Variants in TBC1D20 observed in about 807,000 individuals in gnomAD.
TBC1D20 encodes the protein TBC1 domain family member 20, also known as chromosome 20 open reading frame 140.
A neutral mutation model predicts 41.6 loss-of-function variants in TBC1D20; 12 were observed. That is an observed-to-expected ratio of 0.29 (90% CI 0.18 to 0.47). The LOEUF (loss-of-function observed/expected upper bound fraction) is 0.47. TBC1D20 is among the 20% of genes least tolerant of loss of function. The probability of loss-of-function intolerance (pLI) is 1.00; values close to 1 mark genes in which losing one functional copy is unlikely to be tolerated. For synonymous variants in TBC1D20, 205 were observed against 204.8 expected (o/e 1.00, Z -0.01); for missense variants, 421 against 517.4 (o/e 0.81, Z 1.81).
At chr20:448,728 G>A (rs563318148) in intron 1 of TBC1D20, among the ~76,000 whole-genome samples, 1 of 150,088 alleles carries the variant, frequency 6.7e-6, no homozygotes, top group South Asian at 2.1e-4. Flanking sequence ...TCTCTAAGTT[G>A]CCCAGGCTGG....
chr20:447,894 A>G lies in TBC1D20; in HGVS notation c.251T>C (p.Ile84Thr). The G allele has an allele frequency of 6.2e-7, 1 of 1,611,134 alleles. No individual in the cohort carries two copies. Among genetic ancestry groups the G allele is most frequent in the Middle Eastern group, 1.7e-4 (1 of 5,828 alleles). Residue 84 changes from isoleucine to threonine, a missense_variant, in exon 2 of 8, where the codon ATA (isoleucine) becomes ACA (threonine). Ile to Thr is a moderately conservative substitution (Grantham distance 89). Coordinates refer to ENST00000354200, the MANE Select transcript of TBC1D20 (RefSeq NM_144628.4). ...GCCTCCCCCACTCCCCTTACCTGAT[A>G]TAGGAGGTGGGTCATTGGCATTGAC... ...LNVNANDPPP[I>T]SGKNLRQMSK...
At chr20:441,275 T>C in intron 5 of TBC1D20, 1 of 263,896 alleles carries the variant, frequency 3.8e-6, no homozygotes, top group Non-Finnish European at 7.2e-6. Context: ...TTCTCGCCAC[T>C]GGATCCCACA....
chr20:452,916 G>A (rs2017470067), intron 1 of TBC1D20, among the ~76,000 whole-genome samples: 1 of 152,100 alleles, frequency 6.6e-6, no homozygotes, highest in Non-Finnish European at 1.5e-5. Context: ...TTGGGAGGCC[G>A]AGGCGGGCAG....
chr20:441,253 T>C (rs1225415853), intron 5 of TBC1D20: 3 of 229,932 alleles, frequency 1.3e-5, no homozygotes, highest in East Asian at 1.8e-4. Context: ...CAACCCATTG[T>C]TGGCCTTCCC....
Position 453,539 on chromosome 20 carries a change from C to CTTTT in TBC1D20, c.71-5466_71-5465insAAAA, listed in dbSNP as rs1198052752. The stretch of plus-strand genomic sequence containing the variant: ...ACGGTGGCTCGTGCCTGTAATCCAG[C>CTTTT]ATTTTTTTTTTTTTTTTTTTTTTTG... On this transcript the variant is annotated intron_variant, in intron 1 of 7. Coordinates refer to ENST00000354200, the MANE Select transcript of TBC1D20 (RefSeq NM_144628.4). Among the ~76,000 whole-genome samples the CTTTT allele has an allele frequency of 2.8e-3, 302 of 109,676 alleles. 25 individuals carry two copies. Among genetic ancestry groups the CTTTT allele is most frequent in the African/African-American group, 4.1e-3 (106 of 25,758 alleles). 72.0% of individuals were successfully genotyped at this position (109,676 alleles called of 152,430 possible).
chr20:450,315 A>ATT, intron 1 of TBC1D20, among the ~76,000 whole-genome samples: 1 of 143,048 alleles, frequency 7.0e-6, no homozygotes, highest in East Asian at 2.0e-4. Flanking sequence ...CGCTTTGCTA[A>ATT]TTTTTTTTTT....
intron 1 of TBC1D20, among the ~76,000 whole-genome samples, chr20:453,942 T>TA (rs1222540743): frequency 6.9e-6 from 1 of 145,148 alleles, no homozygotes; most frequent in Non-Finnish European, 1.5e-5. Flanking sequence ...CCATCTCTAT[T>TA]AAAAATACAA....
chr20:449,312 T>C (rs1394808024), intron 1 of TBC1D20, among the ~76,000 whole-genome samples: 1 of 98,208 alleles, frequency 1.0e-5, no homozygotes, highest in Non-Finnish European at 2.0e-5. Flanking sequence ...AAAAGGTAAG[T>C]GAGGCTGGGC....
intron 3 of TBC1D20, among the ~76,000 whole-genome samples, chr20:443,486 A>G (rs765929249): frequency 1.3e-5 from 2 of 152,212 alleles, no homozygotes; most frequent in Non-Finnish European, 2.9e-5. Flanking sequence ...AGAGAGAGAA[A>G]GCAGCTAATG....
At chr20:440,146 CT>C in intron 6 of TBC1D20, 101 bp downstream of exon 6, 1 of 1,460,366 alleles carries the variant, frequency 6.8e-7, no homozygotes, top group Non-Finnish European at 9.2e-7. Flanking sequence ...GAAGTGCTGT[CT>C]TTTGCATCTT....
intron 3 of TBC1D20, 32 bp from the exon 4 acceptor site, chr20:442,075 T>C: frequency 1.9e-6 from 3 of 1,550,522 alleles, no homozygotes; most frequent in Non-Finnish European, 1.8e-6. Flanking sequence ...CCTTTGAACA[T>C]ACCAAGCAGC....
chr20:446,561 G>A (rs948298789), intron 2 of TBC1D20, among the ~76,000 whole-genome samples: 11 of 152,026 alleles, frequency 7.2e-5, no homozygotes, highest in South Asian at 2.1e-4. Context: ...GGCTGGTCTC[G>A]AACTCCTGAC....
intron 1 of TBC1D20, among the ~76,000 whole-genome samples, chr20:457,365 C>G (rs2017560555): frequency 6.6e-6 from 1 of 152,116 alleles, no homozygotes; most frequent in African/African-American, 2.4e-5. Flanking sequence ...CCACCTCAGC[C>G]TTCTATGCCA....
rs1451228218 is a variant in TBC1D20 at position 456,896 on chromosome 20, A to C, written c.70+5440T>G. 4.6e-5 allele frequency among the ~76,000 whole-genome samples: 7 copies of C among 151,024 alleles called. No individual in the cohort carries two copies. The Admixed American group carries it at 4.6e-4, about 10-fold the overall frequency. On this transcript the variant is annotated intron_variant, in intron 1 of 7. Coordinates refer to ENST00000354200, the MANE Select transcript of TBC1D20 (RefSeq NM_144628.4). ...TGACTACTTCTAAAGCAGTCAGGAA[A>C]GGCTTCACCAAGAATATATTCTGGA... is the stretch of plus-strand genomic sequence containing the variant.
chr20:440,191 G>T, intron 6 of TBC1D20, 57 bp downstream of exon 6: 2 of 1,582,200 alleles, frequency 1.3e-6, no homozygotes, highest in South Asian at 2.3e-5. Context: ...CAGGGAAAAT[G>T]ACCACAGTGG....
rs771300098 is a variant in TBC1D20, at chr20:439,243, G to A, written c.821C>T (p.Ser274Leu). Residue 274 changes from serine to leucine, a missense_variant, in exon 7 of 8, where the codon TCG (serine) becomes TTG (leucine). Coordinates refer to ENST00000354200, the MANE Select transcript of TBC1D20 (RefSeq NM_144628.4). This position sits in a 1 kb window ranked among gnomAD's most constrained non-coding sequence, Gnocchi z 4.6. ...GATCTGGGACAACAGGTGGTGGACCGAGGCCATGTCACAGTCACAGTCCAG... is the reference window on the plus strand; with the variant it reads ...GATCTGGGACAACAGGTGGTGGACCAAGGCCATGTCACAGTCACAGTCCAG... ...EVLDCDCDMA[S>L]VHHLLSQIPQ... The A allele has an allele frequency of 1.2e-5, 20 of 1,614,078 alleles. No individual in the cohort carries two copies. Among genetic ancestry groups the A allele is most frequent in the Non-Finnish European group, 1.6e-5 (19 of 1,179,944 alleles).
At chr20:445,863 T>C (rs2017321260) in intron 2 of TBC1D20, among the ~76,000 whole-genome samples, 1 of 152,204 alleles carries the variant, frequency 6.6e-6, no homozygotes, top group Non-Finnish European at 1.5e-5. Flanking sequence ...TATAAAAAGA[T>C]GAGGGAAGTT....
chr20:448,547 G>C (rs2017381318), intron 1 of TBC1D20, among the ~76,000 whole-genome samples: 1 of 151,814 alleles, frequency 6.6e-6, no homozygotes, highest in African/African-American at 2.4e-5. Flanking sequence ...AAATTAGCTG[G>C]GCATCGTGGT....
At chr20:454,500 T>C (rs1423504037) in intron 1 of TBC1D20, among the ~76,000 whole-genome samples, 1 of 151,914 alleles carries the variant, frequency 6.6e-6, no homozygotes, top group Non-Finnish European at 1.5e-5. Flanking sequence ...TCATTTGAAG[T>C]GGAAGATATC....
Sources: gnomAD v4.1 joint callset for allele counts (sites outside exome capture counted in the v4.1 genomes callset) on GRCh38, gnomAD v4.1.1 for gene constraint, Gnocchi (gnomAD v3.1) non-coding constraint, MANE v1.5 for transcripts, NCBI Gene and HGNC (gene_info 2026-07-23, HGNC 2026-07-21) for gene names.